Variants in CEP57 observed in about 807,000 individuals in gnomAD.
CEP57 encodes the protein centrosomal protein of 57 kDa.
A neutral mutation model predicts 68.0 loss-of-function variants in CEP57; 40 were observed. The observed-to-expected ratio is 0.59, with a 90% CI of 0.46 to 0.77. The LOEUF (loss-of-function observed/expected upper bound fraction) is 0.77, where lower values mean the gene tolerates loss of function less well. Among genes scored for constraint, CEP57 ranks in the 30% least tolerant of loss-of-function variants. The pLI is 0.00. For missense variants in CEP57, 606 were observed against 580.7 expected, an observed-to-expected ratio of 1.04 and a Z score of -0.45; for synonymous variants, 219 against 198.7, an observed-to-expected ratio of 1.10 and a Z score of -0.86.
Position 95,827,902 on chromosome 11 carries a change from G to A in CEP57, c.1002G>A (p.Lys334=). 1 of 1,614,102 alleles carries A rather than the reference G, an allele frequency of 6.2e-7. No individual in the cohort carries two copies. Among genetic ancestry groups the A allele is most frequent in the Non-Finnish European group, 8.5e-7 (1 of 1,180,006 alleles). ...DRVINSIPLA[K]QVSSRGGKSK... ...TCATCAACAGTATTCCTTTGGCAAAGCAAGTATCTTCACGAGGTGGTAAAA... is the reference window on the plus strand; with the variant it reads ...TCATCAACAGTATTCCTTTGGCAAAACAAGTATCTTCACGAGGTGGTAAAA... Residue 334 remains lysine, a synonymous_variant, in exon 9 of 11, where the codon AAG becomes AAA. Coordinates refer to ENST00000325542, the MANE Select transcript of CEP57 (RefSeq NM_014679.5).
intron 1 of CEP57, among the ~76,000 whole-genome samples, chr11:95,793,030 A>C (rs532147510): frequency 6.6e-6 from 1 of 152,340 alleles, no homozygotes; most frequent in South Asian, 2.1e-4. Flanking sequence ...TGTTTTCGAC[A>C]TTGATAAACT....
rs528476369 is a variant in CEP57 at position 95,790,840 on chromosome 11, C to T, written c.45+97C>T. The T allele has an allele frequency of 3.5e-6, 5 of 1,426,362 alleles. 1 individual carries two copies. The South Asian group carries it at 4.8e-5, about 14-fold the overall frequency. 88.4% of individuals were successfully genotyped at this position (1,426,362 alleles called of 1,614,324 possible). A position where few individuals can be genotyped will look rare whatever the true frequency, so the allele number is the denominator to read the frequency against. On this transcript the variant is annotated intron_variant, in intron 1 of 10. Transcript: ENST00000325542. ...GGCGCTGTCAGTCCAGCTTCTGACG[C>T]AATTCTGGAGGTCGGCGGGAATGCC...
intron 2 of CEP57, among the ~76,000 whole-genome samples, chr11:95,806,460 T>G (rs886589521): frequency 6.6e-6 from 1 of 152,158 alleles, no homozygotes; most frequent in Admixed American, 6.5e-5. Flanking sequence ...GTTGGGCCAT[T>G]CCCTTTCCTA....
At chr11:95,800,682 G>A (rs554918402) in intron 2 of CEP57, among the ~76,000 whole-genome samples, 10 of 152,220 alleles carry the variant, frequency 6.6e-5, no homozygotes, top group African/African-American at 1.7e-4. Flanking sequence ...GAGCTACCGC[G>A]CCTGGCCAAG....
chr11:95,806,815 C>A (rs637038), intron 2 of CEP57, among the ~76,000 whole-genome samples: 42,402 of 152,192 alleles, frequency 0.28, 7,087 homozygotes, highest in Non-Finnish European at 0.38. Flanking sequence ...GAACAAAAGG[C>A]AGCAGAAACT....
chr11:95,816,803 G>A (rs945161640), intron 4 of CEP57, among the ~76,000 whole-genome samples: 2 of 152,054 alleles, frequency 1.3e-5, no homozygotes, highest in African/African-American at 4.8e-5. Context: ...ACTTGAGGTC[G>A]GGTTTGAGAG....
At chr11:95,817,929 T>C (rs776943565) in intron 5 of CEP57, 26 bp downstream of exon 5, 1 of 1,392,424 alleles carries the variant, frequency 7.2e-7, no homozygotes, top group South Asian at 1.2e-5. Flanking sequence ...TTTTTATTGT[T>C]AACATATATC....
chr11:95,790,868 G>C, intron 1 of CEP57, 125 bp downstream of exon 1: 3 of 1,091,858 alleles, frequency 2.7e-6, no homozygotes, highest in Non-Finnish European at 4.1e-6. Flanking sequence ...GGAATGCCTA[G>C]ATTGCCCCGC....
At position 95,813,068 on chromosome 11, in the gene CEP57, A is replaced by G. The variant is rs1862138846; in HGVS notation, c.339A>G (p.Gln113=). Residue 113 remains glutamine (Q), a synonymous_variant, in exon 3 of 11, where the codon CAA becomes CAG. Coordinates refer to ENST00000325542, the MANE Select transcript of CEP57 (RefSeq NM_014679.5). ...EYKKVLDEQI[Q]ERENSKNEES... is the part of the protein sequence containing the mutation. ...AGAAAGTACTGGATGAACAGATACA[A>G]GAAAGGGAGAATTCAAAGAATGAGG... The G allele has an allele frequency of 6.2e-7, 1 of 1,613,388 alleles. No homozygotes were observed. Among genetic ancestry groups the G allele is most frequent in the African/African-American group, 1.3e-5 (1 of 74,928 alleles).
At chr11:95,792,583 T>G (rs1049983848) in intron 1 of CEP57, among the ~76,000 whole-genome samples, 1 of 152,270 alleles carries the variant, frequency 6.6e-6, no homozygotes, top group Non-Finnish European at 1.5e-5. Flanking sequence ...ACTTATACGG[T>G]ACCCTTGACA....
chr11:95,815,469 C>T (rs998377712), intron 4 of CEP57, among the ~76,000 whole-genome samples: 4 of 151,848 alleles, frequency 2.6e-5, no homozygotes, highest in Non-Finnish European at 5.9e-5. Flanking sequence ...TGTTAATCCT[C>T]GTTTGTTTGG....
At chr11:95,812,746 A>G (rs971439252) in intron 2 of CEP57, among the ~76,000 whole-genome samples, 186 bp from the exon 3 acceptor site, 7 of 152,098 alleles carry the variant, frequency 4.6e-5, no homozygotes, top group South Asian at 2.1e-4. Flanking sequence ...GGCCCACTCA[A>G]TGTCTTTAAA....
At chr11:95,824,406 ACT>A (rs34654502) in intron 8 of CEP57, among the ~76,000 whole-genome samples, 42,271 of 151,946 alleles carry the variant, frequency 0.28, 7,031 homozygotes, top group Non-Finnish European at 0.38. Context: ...ATACTTGTAG[ACT>A]CTAATATGAT....
chr11:95,814,878 A>G (rs925541895), intron 4 of CEP57, among the ~76,000 whole-genome samples: 1 of 152,168 alleles, frequency 6.6e-6, no homozygotes, highest in Non-Finnish European at 1.5e-5. Context: ...GGATAGTAAA[A>G]TCCATGGATG....
chr11:95,821,825 A>G (rs758901369), intron 6 of CEP57, 46 bp from the exon 7 acceptor site: 41 of 1,326,792 alleles, frequency 3.1e-5, no homozygotes, highest in Non-Finnish European at 4.2e-5. Flanking sequence ...TCTGAGTCAT[A>G]GCTTTTATTT....
At position 95,798,717 on chromosome 11, in the gene CEP57, A is replaced by G. The variant is rs117412192; in HGVS notation, c.46-515A>G. ...ATAAAGTTTTATGTTTGAGTGTTTG[A>G]TGGGCCTTAATGTTTTCTAATTATT... On this transcript the variant is annotated intron_variant, in intron 1 of 10. Coordinates refer to ENST00000325542, the MANE Select transcript of CEP57 (RefSeq NM_014679.5). Among the ~76,000 whole-genome samples, 420 of 152,314 alleles carry G rather than the reference A, an allele frequency of 2.8e-3. 3 individuals carry two copies. The highest frequency in any genetic ancestry group is 4.6e-3 in the Non-Finnish European group (310 of 68,014).
intron 8 of CEP57, chr11:95,825,999 A>G (rs1862729198): frequency 6.6e-6 from 1 of 152,252 alleles, no homozygotes; most frequent in African/African-American, 2.4e-5. Context: ...GGTATCTCAT[A>G]GAAACATTTT....
rs1010213859 is a variant in CEP57, at chr11:95,806,746, C to T, written c.203-6186C>T. Reference sequence around the variant, plus strand: ...GAAGCTCAAACTGGGTGGAGCCCACCGCAGCTCAAAGAGGCCTGCCTGCCT... The same window carrying T: ...GAAGCTCAAACTGGGTGGAGCCCACTGCAGCTCAAAGAGGCCTGCCTGCCT... On this transcript the variant is annotated intron_variant, in intron 2 of 10. Transcript: ENST00000325542. Among the ~76,000 whole-genome samples the T allele has an allele frequency of 3.3e-5, 5 of 152,182 alleles. No homozygotes were observed. The South Asian group carries it at 8.3e-4, about 25-fold the overall frequency.
chr11:95,803,480 TA>T (rs572170494), intron 2 of CEP57, among the ~76,000 whole-genome samples: 85 of 151,882 alleles, frequency 5.6e-4, no homozygotes, highest in African/African-American at 2.0e-3. Context: ...AACTAAAAAG[TA>T]GGAAAAGTCA....
Sources: allele counts gnomAD v4.1 joint callset (sites outside exome capture counted in the v4.1 genomes callset), GRCh38; gene constraint gnomAD v4.1.1; transcripts MANE v1.5; gene names NCBI Gene and HGNC (gene_info 2026-07-23, HGNC 2026-07-21).